Variants in KANK1 observed in about 807,000 individuals in gnomAD.
The protein encoded by KANK1 is KN motif and ankyrin repeat domains 1.
Under a neutral mutation model 106.2 loss-of-function variants are expected in KANK1, and 109 were observed. The ratio of observed to expected loss-of-function variants is 1.03; its 90% CI spans 0.88 to 1.20. The LOEUF is 1.20. Among genes scored for constraint, KANK1 ranks in the 50% most tolerant of loss-of-function variants. The pLI, the probability that KANK1 is intolerant of heterozygous loss-of-function variation, is 0.00. For missense variants in KANK1, 2,399 were observed against 1,710.7 expected (o/e 1.40, Z -7.10); for synonymous variants, 873 against 652.2 (o/e 1.34, Z -5.16).
intron 2 of KANK1, among the ~76,000 whole-genome samples, chr9:700,962 C>T (rs116716387): frequency 6.6e-6 from 1 of 152,242 alleles, no homozygotes; most frequent in South Asian, 2.1e-4. Flanking sequence ...CATTATTTCA[C>T]CCCAGTGCTT....
At chr9:727,789 T>C (rs1436029291) in intron 3 of KANK1, among the ~76,000 whole-genome samples, 2 of 152,004 alleles carry the variant, frequency 1.3e-5, no homozygotes, top group Non-Finnish European at 2.9e-5. Flanking sequence ...CTTTTTTCAA[T>C]TAACCATATA....
intron 1 of KANK1, among the ~76,000 whole-genome samples, chr9:636,734 G>A (rs1271750446): frequency 6.6e-6 from 1 of 152,180 alleles, no homozygotes; most frequent in East Asian, 1.9e-4. Context: ...AGATATGGTG[G>A]TGTGTGCTTG....
intron 2 of KANK1, among the ~76,000 whole-genome samples, chr9:689,797 A>G (rs1257912418): frequency 1.3e-5 from 2 of 152,112 alleles, no homozygotes; most frequent in East Asian, 1.9e-4. Flanking sequence ...GAAGTCCAAT[A>G]TAACAGAAAT....
chr9:711,298 G>C lies in KANK1; in HGVS notation c.532G>C (p.Glu178Gln). ...AGCCACCATGCAGATGACACCGGGT[G>C]AGTTCAGAAGGCCCAGGCTGGCCAG... ...ERATMQMTPG[E>Q]FRRPRLASFG... is the part of the protein sequence containing the mutation. The change falls in exon 3 of 12, where the codon GAG becomes CAG. Residue 178 changes from glutamate to glutamine, a missense_variant. Glu to Gln is a conservative substitution (Grantham distance 29). Transcript: ENST00000382297. The C allele has an allele frequency of 6.2e-7, 1 of 1,614,168 alleles. No homozygotes were observed. The highest frequency in any genetic ancestry group is 8.5e-7 in the Non-Finnish European group (1 of 1,180,030).
intron 3 of KANK1, among the ~76,000 whole-genome samples, chr9:720,254 TG>T (rs1265155455): frequency 6.6e-6 from 1 of 152,232 alleles, no homozygotes; most frequent in Non-Finnish European, 1.5e-5. Context: ...CAGTTGTGCC[TG>T]TGAAAACCGT....
At chr9:493,193 G>A (rs531805164) in intron 3 of KANK1, among the ~76,000 whole-genome samples, 11 of 150,454 alleles carry the variant, frequency 7.3e-5, no homozygotes, top group Admixed American at 1.3e-4. Context: ...TCTGAGATTC[G>A]GTTATAAAAG....
intron 1 of KANK1, among the ~76,000 whole-genome samples, chr9:555,351 T>C (rs1020144501): frequency 1.3e-5 from 2 of 151,900 alleles, no homozygotes; most frequent in Non-Finnish European, 2.9e-5. Context: ...ACCATGTACA[T>C]GATGGCACGT....
intron 1 of KANK1, among the ~76,000 whole-genome samples, chr9:519,858 T>G (rs981708528): frequency 5.3e-5 from 8 of 151,770 alleles, no homozygotes; most frequent in African/African-American, 1.9e-4. Context: ...AAGCATGCAT[T>G]TATAAGGCAA....
chr9:580,646 C>A (rs1376597672), intron 1 of KANK1, among the ~76,000 whole-genome samples: 1 of 152,364 alleles, frequency 6.6e-6, no homozygotes, highest in South Asian at 2.1e-4. Context: ...TATTTACAAT[C>A]CCTTAGCTAG....
chr9:501,188 G>A (rs2058545115), upstream of KANK1, among the ~76,000 whole-genome samples: 1 of 152,118 alleles, frequency 6.6e-6, no homozygotes, highest in South Asian at 2.1e-4. Flanking sequence ...ACTCTAAAAA[G>A]TTCATCCACC....
intron 1 of KANK1, among the ~76,000 whole-genome samples, chr9:625,952 C>T (rs939383694): frequency 6.6e-6 from 1 of 152,088 alleles, no homozygotes; most frequent in African/African-American, 2.4e-5. Context: ...TCAGTCACTT[C>T]AGAAACTCCC....
chr9:743,700 T>C (rs1015623309), intron 10 of KANK1, among the ~76,000 whole-genome samples: 3 of 151,520 alleles, frequency 2.0e-5, no homozygotes, highest in African/African-American at 7.3e-5. Flanking sequence ...CTCCCATCTC[T>C]ACAAAAAAAA....
chr9:679,240 G>A (rs1351669446), intron 2 of KANK1, among the ~76,000 whole-genome samples: 6 of 151,972 alleles, frequency 3.9e-5, no homozygotes. Context: ...CATGACCCAT[G>A]TACATCTATA....
At chr9:652,407 C>T (rs1841101121) in intron 1 of KANK1, among the ~76,000 whole-genome samples, 1 of 152,178 alleles carries the variant, frequency 6.6e-6, no homozygotes, top group South Asian at 2.1e-4. Flanking sequence ...CCTGTAATCC[C>T]AGCTACTCAG....
chr9:598,078 G>A (rs190677313), intron 1 of KANK1, among the ~76,000 whole-genome samples: 35 of 151,764 alleles, frequency 2.3e-4, no homozygotes, highest in Admixed American at 1.4e-3. Flanking sequence ...TTATTCTTTT[G>A]TATGTAGATA....
At chr9:686,170 C>G (rs9408678) in intron 2 of KANK1, among the ~76,000 whole-genome samples, 1 of 152,056 alleles carries the variant, frequency 6.6e-6, no homozygotes, top group South Asian at 2.1e-4. Context: ...AAAGTTCTCT[C>G]TTCCTCTGTT....
chr9:667,715 T>A (rs1322103619), intron 1 of KANK1, among the ~76,000 whole-genome samples: 1 of 148,586 alleles, frequency 6.7e-6, no homozygotes, highest in Non-Finnish European at 1.5e-5. Context: ...ATTTCCATGT[T>A]TTTGTTTAAT....
chr9:580,509 G>A (rs185098858), intron 1 of KANK1, among the ~76,000 whole-genome samples: 90 of 152,324 alleles, frequency 5.9e-4, no homozygotes, highest in African/African-American at 2.1e-3. Context: ...ACAGGGTGCT[G>A]ATTGGTGCAT....
chr9:611,504 G>A (rs900519900), intron 1 of KANK1, among the ~76,000 whole-genome samples: 2 of 152,184 alleles, frequency 1.3e-5, no homozygotes, highest in African/African-American at 4.8e-5. Context: ...TCCTTGCACA[G>A]AAGCTGAATC....
Sources: allele counts gnomAD v4.1 joint callset (sites outside exome capture counted in the v4.1 genomes callset), GRCh38; gene constraint gnomAD v4.1.1; transcripts MANE v1.5; gene names NCBI Gene and HGNC (gene_info 2026-07-23, HGNC 2026-07-21).